SPOCK2: variants seen among roughly 807,000 people sequenced by gnomAD.
SPOCK2 encodes the protein testican-2.
A neutral mutation model predicts 60.1 loss-of-function variants in SPOCK2; 39 were observed. The observed-to-expected ratio is 0.65, with a 90% CI of 0.50 to 0.85. SPOCK2 has a LOEUF of 0.85. SPOCK2 is among the 40% of genes least tolerant of loss of function. The probability of loss-of-function intolerance (pLI) is 0.00; values close to 1 mark genes in which losing one functional copy is unlikely to be tolerated. For missense variants in SPOCK2, 523 were observed against 567.4 expected, an observed-to-expected ratio of 0.92 and a Z score of 0.80; for synonymous variants, 217 against 231.5, an observed-to-expected ratio of 0.94 and a Z score of 0.57.
At chr10:72,085,750 T>C (rs1840846635) in intron 1 of SPOCK2, among the ~76,000 whole-genome samples, 1 of 152,184 alleles carries the variant, frequency 6.6e-6, no homozygotes, top group Non-Finnish European at 1.5e-5. Context: ...CCCTCTCTCC[T>C]TTGAGGAACC....
At chr10:72,077,785 C>G (rs887911570) in intron 1 of SPOCK2, among the ~76,000 whole-genome samples, 1 of 152,152 alleles carries the variant, frequency 6.6e-6, no homozygotes, top group Non-Finnish European at 1.5e-5. Context: ...TCCTGGAGCA[C>G]GCTTACCGTG....
At position 72,067,006 on chromosome 10, in the gene SPOCK2, A is replaced by G. The variant is rs937621401; in HGVS notation, c.824T>C (p.Leu275Pro). 4 of 1,614,106 alleles carry G rather than the reference A, an allele frequency of 2.5e-6. No individual in the cohort carries two copies. The African/African-American group carries it at 5.3e-5, about 22-fold the overall frequency. The part of the protein sequence containing the change: ...LDQTELAAIN[L>P]DKYEVCIRPF... ...ACGGATGCAGACCTCGTACTTGTCC[A>G]GGTTGATGGCGGCCAGCTCCGTCTG... Residue 275 changes from leucine to proline, a missense_variant, in exon 8 of 11, where the codon CTG becomes CCG. Coordinates refer to ENST00000373109, the MANE Select transcript of SPOCK2 (RefSeq NM_001244950.2).
intron 1 of SPOCK2, among the ~76,000 whole-genome samples, chr10:72,084,234 G>A (rs1198596619): frequency 6.6e-6 from 1 of 152,198 alleles, no homozygotes; most frequent in East Asian, 1.9e-4. Flanking sequence ...CGTGGGGGAG[G>A]AGCGTAGTAC....
Position 72,088,181 on chromosome 10 carries a change from G to A in SPOCK2, c.148C>T (p.Gln50Ter). The A allele has an allele frequency of 6.2e-7, 1 of 1,613,174 alleles. No homozygotes were observed. The highest frequency in any genetic ancestry group is 8.5e-7 in the Non-Finnish European group (1 of 1,179,708). The change falls in exon 1 of 11, where the codon CAG becomes TAG. Residue 50 changes from glutamine (Q) to a stop codon, truncating the protein, a stop_gained. Coordinates refer to ENST00000373109, the MANE Select transcript of SPOCK2 (RefSeq NM_001244950.2). LOFTEE classifies it high-confidence loss of function. ...EDEQWLSSISQYSGKIKHWNR... is the reference protein window; with the variant it reads ...EDEQWLSSIS ...CAGTGCTTGATCTTGCCGCTGTACT[G>A]CGAGATGGACGACAGCCATTGCTCG...
rs1022460683 is a variant in SPOCK2 at position 72,061,603 on chromosome 10, G to A, written c.*1157C>T. On this transcript the variant is annotated 3_prime_UTR_variant, in exon 11 of 11. Transcript: ENST00000373109. ...GAGTGTTAAGGGTCAGGGAGGAGGT[G>A]GGCACACACCCCCTTAGCCTAGACC... 2.6e-5 allele frequency: 4 copies of A among 152,326 alleles called. No individual in the cohort carries two copies. Among genetic ancestry groups the A allele is most frequent in the African/African-American group, 9.7e-5 (4 of 41,410 alleles). The allele number at this position is 152,326 out of a possible 1,614,324, so 9.4% of individuals were successfully genotyped here. A position where few individuals can be genotyped will look rare whatever the true frequency, so the allele number is the denominator to read the frequency against.
At chr10:72,074,171 G>A (rs952067279) in intron 1 of SPOCK2, among the ~76,000 whole-genome samples, 2 of 152,202 alleles carry the variant, frequency 1.3e-5, no homozygotes, top group African/African-American at 4.8e-5. Flanking sequence ...ACCCACATGC[G>A]TGCAGCAGTG....
rs1159410389 is a variant in SPOCK2, at chr10:72,061,447, T to G, written c.*1313A>C. 1.3e-5 allele frequency: 2 copies of G among 152,688 alleles called. No individual in the cohort carries two copies. The highest frequency in any genetic ancestry group is 4.8e-5 in the African/African-American group (2 of 41,440). 9.5% of individuals were successfully genotyped at this position (152,688 alleles called of 1,614,324 possible). ...GGGCTGAGGGAAGTGGGGCTGGACA[T>G]GGCCTGTGGGTGGCTCTCCCCTGGC... On this transcript the variant is annotated 3_prime_UTR_variant, in exon 11 of 11. Coordinates refer to ENST00000373109, the MANE Select transcript of SPOCK2 (RefSeq NM_001244950.2).
At chr10:72,068,415 G>C in intron 5 of SPOCK2, 114 bp from the exon 6 acceptor site, 2 of 1,132,412 alleles carry the variant, frequency 1.8e-6, no homozygotes, top group East Asian at 5.2e-5. Context: ...CCCATGGAGT[G>C]CCCATGAACA....
intron 8 of SPOCK2, 135 bp from the exon 9 acceptor site, chr10:72,064,375 C>CTGCTGTGGGGTG: frequency 7.2e-6 from 7 of 971,100 alleles, no homozygotes; most frequent in Non-Finnish European, 1.0e-5. Flanking sequence ...GGGGTCACCC[C>CTGCTGTGGGGTG]ACAGCAGGGG....
chr10:72,086,873 A>G, intron 1 of SPOCK2: 9 of 1,550,372 alleles, frequency 5.8e-6, no homozygotes, highest in Non-Finnish European at 7.9e-6. Flanking sequence ...TGGATAGCCT[A>G]TGAAGCATGT....
chr10:72,064,044 T>C, intron 9 of SPOCK2, 134 bp downstream of exon 9: 1 of 1,148,336 alleles, frequency 8.7e-7, no homozygotes, highest in Admixed American at 2.7e-5. Flanking sequence ...GCAACCCTCT[T>C]CTGTCTTCCT....
intron 6 of SPOCK2, 78 bp from the exon 7 acceptor site, chr10:72,067,810 TA>T: frequency 6.4e-7 from 1 of 1,554,664 alleles, no homozygotes. Flanking sequence ...GATCCTGCCC[TA>T]CAGGCCAGGA....
chr10:72,066,262 C>T (rs1450239545), intron 8 of SPOCK2, among the ~76,000 whole-genome samples: 2 of 151,810 alleles, frequency 1.3e-5, no homozygotes, highest in African/African-American at 4.8e-5. Flanking sequence ...CTCTAAGACC[C>T]TCACTTGTAC....
chr10:72,073,525 TCAGAGG>T (rs1329361605), intron 1 of SPOCK2, among the ~76,000 whole-genome samples: 1 of 152,152 alleles, frequency 6.6e-6, no homozygotes, highest in Non-Finnish European at 1.5e-5. Flanking sequence ...CTTCAAACCC[TCAGAGG>T]CAGAGGACCC....
chr10:72,065,771 G>A (rs1423050001), intron 8 of SPOCK2, among the ~76,000 whole-genome samples: 1 of 152,212 alleles, frequency 6.6e-6, no homozygotes, highest in Non-Finnish European at 1.5e-5. Context: ...AGTCAGAGTG[G>A]TGAAACAGAT....
At chr10:72,077,174 G>A (rs1422327260) in intron 1 of SPOCK2, among the ~76,000 whole-genome samples, 1 of 152,158 alleles carries the variant, frequency 6.6e-6, no homozygotes, top group African/African-American at 2.4e-5. Context: ...AGGCAGGAGT[G>A]CAGTGGTGCA....
intron 1 of SPOCK2, among the ~76,000 whole-genome samples, chr10:72,078,825 G>T (rs1479738343): frequency 6.6e-6 from 1 of 152,172 alleles, no homozygotes; most frequent in African/African-American, 2.4e-5. Flanking sequence ...GGCCAGCTGT[G>T]CCTCACAGAA....
In SPOCK2 at chr10:72,068,197, A is replaced by G. The variant is rs143979593; in HGVS notation, c.579T>C (p.Asp193=). ...CAGCACTGTCCTCACCTGGTTTGCC[A>G]TCGGCGGTGGAGGTGGCAGCCTGCT... ...PTEQAATSTA[D]GKPETCTGQD... Residue 193 remains aspartate (D), a synonymous_variant, in exon 6 of 11, where the codon GAT becomes GAC. Coordinates refer to ENST00000373109, the MANE Select transcript of SPOCK2 (RefSeq NM_001244950.2). 8.7e-5 allele frequency: 139 copies of G among 1,606,742 alleles called. No individual in the cohort carries two copies. In the African/African-American group the frequency reaches 1.7e-3, roughly 19 times the overall value.
intron 8 of SPOCK2, among the ~76,000 whole-genome samples, chr10:72,064,978 C>A (rs1298080612): frequency 7.8e-6 from 1 of 127,444 alleles, no homozygotes; most frequent in African/African-American, 2.6e-5. Flanking sequence ...AATCTGCCCG[C>A]CTCAGCCCCG....
Sources: allele counts gnomAD v4.1 joint callset (sites outside exome capture counted in the v4.1 genomes callset), GRCh38; gene constraint gnomAD v4.1.1; transcripts MANE v1.5; gene names NCBI Gene and HGNC (gene_info 2026-07-23, HGNC 2026-07-21).